The following MC2R variants were observed in gnomAD, a reference collection of about 807,000 sequenced individuals.
MC2R encodes the protein melanocortin 2 receptor, also known as adrenocorticotropic hormone receptor.
In MC2R, 9 loss-of-function variants were observed where a neutral mutation model predicts 9.8. The ratio of observed to expected loss-of-function variants is 0.92; its 90% CI spans 0.55 to 1.60. The LOEUF (loss-of-function observed/expected upper bound fraction) is 1.60, where lower values mean the gene tolerates loss of function less well. MC2R is among the 40% of genes most tolerant of loss of function. MC2R has a pLI of 0.00. For missense variants in MC2R, 370 were observed against 389.0 expected (o/e 0.95, Z 0.41); for synonymous variants, 185 against 154.7 (o/e 1.20, Z -1.45).
chr18:13,886,521 C>T (rs891001284), intron 1 of MC2R, among the ~76,000 whole-genome samples: 2 of 152,154 alleles, frequency 1.3e-5, no homozygotes, highest in Non-Finnish European at 2.9e-5. Flanking sequence ...TCGGTGGACT[C>T]GGGAGATGTT....
Position 13,899,018 on chromosome 18 carries a change from C to T in MC2R, c.-128-13372G>A, listed in dbSNP as rs149975091. Among the ~76,000 whole-genome samples, 1,478 of 152,264 alleles carry T rather than the reference C, an allele frequency of 9.7e-3. 14 individuals are homozygous for T. Among genetic ancestry groups the T allele is most frequent in the Non-Finnish European group, 0.016 (1,062 of 68,028 alleles). ...AGGAAAATATGACCTTGCCAAATAACTAAATAAGGCACCAATTCTGGAGAA... is the reference window on the plus strand; with the variant it reads ...AGGAAAATATGACCTTGCCAAATAATTAAATAAGGCACCAATTCTGGAGAA... On this transcript the variant is annotated intron_variant, in intron 1 of 1. Transcript: ENST00000327606.
chr18:13,892,734 A>G (rs1174203734), intron 1 of MC2R, among the ~76,000 whole-genome samples: 1 of 152,160 alleles, frequency 6.6e-6, no homozygotes, highest in Non-Finnish European at 1.5e-5. Flanking sequence ...ACAATAAAGA[A>G]AAAAAGAGAG....
intron 1 of MC2R, among the ~76,000 whole-genome samples, chr18:13,889,891 A>G (rs1223066205): frequency 3.3e-5 from 5 of 152,082 alleles, no homozygotes; most frequent in African/African-American, 1.2e-4. Flanking sequence ...ACCCCTGAGG[A>G]GTTGAGGCCC....
At chr18:13,904,801 T>A (rs2045403289) in intron 1 of MC2R, among the ~76,000 whole-genome samples, 1 of 152,000 alleles carries the variant, frequency 6.6e-6, no homozygotes, top group Admixed American at 6.6e-5. Context: ...GGGGAAAGGA[T>A]CTCCTATCCA....
rs969154261 is a variant in MC2R at position 13,884,378 on chromosome 18, T to C, written c.*247A>G. ...CTTAATTACTTTTGTACCTACCTAA[T>C]ACTTTGTATTCTATCCTTCTTTTAC... On this transcript the variant is annotated 3_prime_UTR_variant, in exon 2 of 2. Coordinates refer to ENST00000327606, the MANE Select transcript of MC2R (RefSeq NM_000529.2). 3.5e-6 allele frequency: 2 copies of C among 570,002 alleles called. No individual in the cohort carries two copies. Among genetic ancestry groups the C allele is most frequent in the South Asian group, 2.0e-5 (1 of 49,934 alleles). 35.3% of individuals were successfully genotyped at this position (570,002 alleles called of 1,614,324 possible). A position where few individuals can be genotyped will look rare whatever the true frequency, so the allele number is the denominator to read the frequency against.
intron 1 of MC2R, among the ~76,000 whole-genome samples, chr18:13,909,366 T>G (rs577285164): frequency 6.6e-6 from 1 of 152,336 alleles, no homozygotes; most frequent in South Asian, 2.1e-4. Flanking sequence ...GCTGAGTTCA[T>G]GCTTGCCGGG....
rs538443792 is a variant in MC2R at position 13,905,858 on chromosome 18, C to A, written c.-129+9630G>T. ...GGATCACGATGCCAAGAGATCGAGA[C>A]CATCCTGGCCAACATGGTGAAACCC... On this transcript the variant is annotated intron_variant, in intron 1 of 1. Transcript: ENST00000327606. Among the ~76,000 whole-genome samples, 42 of 152,252 alleles carry A rather than the reference C, an allele frequency of 2.8e-4. 1 individual carries two copies. In the South Asian group the frequency reaches 8.5e-3, roughly 31 times the overall value.
chr18:13,885,102 G>A lies in MC2R; in HGVS notation c.417C>T (p.His139=). ...YITIFHALRY[H]SIVTMRRTVV... is the part of the protein sequence containing the mutation. ...CAGTGCGGCGCATGGTCACGATGCT[G>A]TGGTACCGCAGTGCGTGGAAGATGG... The change falls in exon 2 of 2, where the codon CAC becomes CAT. Residue 139 remains histidine, a synonymous_variant. Coordinates refer to ENST00000327606, the MANE Select transcript of MC2R (RefSeq NM_000529.2). The A allele has an allele frequency of 6.2e-7, 1 of 1,614,186 alleles. No homozygotes were observed. Among genetic ancestry groups the A allele is most frequent in the Non-Finnish European group, 8.5e-7 (1 of 1,180,048 alleles).
chr18:13,904,402 C>T (rs978436443), intron 1 of MC2R, among the ~76,000 whole-genome samples: 52 of 137,640 alleles, frequency 3.8e-4, no homozygotes, highest in African/African-American at 1.5e-3. Context: ...AAAAAAAAGT[C>T]ATAATAAAGG....
chr18:13,897,534 G>A (rs887525307), intron 1 of MC2R, among the ~76,000 whole-genome samples: 1 of 152,094 alleles, frequency 6.6e-6, no homozygotes, highest in Admixed American at 6.5e-5. Flanking sequence ...TACCAGCTGG[G>A]GTGGCTAAGG....
chr18:13,898,897 A>G (rs922240496), intron 1 of MC2R, among the ~76,000 whole-genome samples: 1 of 152,192 alleles, frequency 6.6e-6, no homozygotes, highest in Non-Finnish European at 1.5e-5. Context: ...CTTCCCAAGG[A>G]CTGGTACAAA....
At chr18:13,911,303 G>C (rs561364950) in intron 1 of MC2R, among the ~76,000 whole-genome samples, 41 of 152,246 alleles carry the variant, frequency 2.7e-4, no homozygotes, top group Middle Eastern at 3.4e-3. Context: ...ACTCCATCAA[G>C]TCCTTGTTTT....
intron 1 of MC2R, among the ~76,000 whole-genome samples, chr18:13,902,364 A>G (rs2045385325): frequency 2.6e-5 from 4 of 152,184 alleles, no homozygotes; most frequent in Non-Finnish European, 5.9e-5. Context: ...TGGAACCACA[A>G]GAGACTCAGA....
At position 13,914,912 on chromosome 18, in the gene MC2R, C is replaced by G. The variant is rs1037345495; in HGVS notation, c.-129+576G>C. On this transcript the variant is annotated intron_variant, in intron 1 of 1. Transcript: ENST00000327606. ...TTTTAGTTATTGTTTATCCTGCACC[C>G]CGTGTTGCTGCCTAGGAAGGTGGAG... Among the ~76,000 whole-genome samples the G allele has an allele frequency of 6.6e-5, 10 of 152,278 alleles. No individual in the cohort carries two copies. In the South Asian group the frequency reaches 1.2e-3, roughly 19 times the overall value.
chr18:13,892,191 G>A (rs1054725288), intron 1 of MC2R, among the ~76,000 whole-genome samples: 3 of 152,218 alleles, frequency 2.0e-5, no homozygotes, highest in Non-Finnish European at 4.4e-5. Flanking sequence ...AGCCCCTGTG[G>A]CAGCTTTTAA....
chr18:13,884,959 AC>A lies in MC2R; in HGVS notation c.559del (p.Val187SerfsTer29), dbSNP rs2045265140. The A allele has an allele frequency of 1.2e-6, 2 of 1,613,942 alleles. No homozygotes were observed. Among genetic ancestry groups the A allele is most frequent in the Non-Finnish European group, 1.7e-6 (2 of 1,180,018 alleles). ...TFTSLFPLML[V>X]FILCLYVHMF... ...GTGCACATAGAGGCACAGGATGAAG[AC>A]CAGCATCAGCGGGAACAGCGACGTG... On this transcript the variant is annotated frameshift_variant, in exon 2 of 2. Transcript: ENST00000327606. LOFTEE classifies it high-confidence loss of function.
rs104894662 is a variant in MC2R at position 13,884,767 on chromosome 18, C to T, written c.752G>A (p.Cys251Tyr). The T allele has an allele frequency of 6.2e-7, 1 of 1,613,838 alleles. No homozygotes were observed. The highest frequency in any genetic ancestry group is 1.3e-5 in the African/African-American group (1 of 74,858). ...LMTFCPSNPY[C>Y]ACYMSLFQVN... The stretch of plus-strand genomic sequence containing the variant: ...CTGGAAGAGAGACATGTAGCAGGCG[C>T]AGTAGGGGTTACTTGGGCAGAATGT... The change falls in exon 2 of 2, where the codon TGC becomes TAC. Residue 251 changes from cysteine to tyrosine, a missense_variant. Coordinates refer to ENST00000327606, the MANE Select transcript of MC2R (RefSeq NM_000529.2).
In MC2R at chr18:13,884,901, C is replaced by A. The variant is rs1190362792; in HGVS notation, c.618G>T (p.Lys206Asn). The stretch of plus-strand genomic sequence containing the variant: ...TGTTGGCTCTGGGGAGGGTGGAGAT[C>A]TTCCTGGTGTGGGATCGAGCCAGCA... ...MFLLARSHTR[K>N]ISTLPRANMK... Residue 206 changes from lysine to asparagine, a missense_variant, in exon 2 of 2, where the codon AAG becomes AAT. Physicochemically the swap from Lys to Asn is moderately conservative, Grantham distance 94. Transcript: ENST00000327606. 2 of 1,613,964 alleles carry A rather than the reference C, an allele frequency of 1.2e-6. No individual in the cohort carries two copies. Among genetic ancestry groups the A allele is most frequent in the African/African-American group, 2.7e-5 (2 of 74,908 alleles).
At chr18:13,887,409 C>T (rs181088206) in intron 1 of MC2R, among the ~76,000 whole-genome samples, 12 of 128,444 alleles carry the variant, frequency 9.3e-5, no homozygotes, top group East Asian at 4.3e-4. Flanking sequence ...TGTGTCCCAC[C>T]TGCTGGGGAA....
Sources: allele counts gnomAD v4.1 joint callset (sites outside exome capture counted in the v4.1 genomes callset), GRCh38; gene constraint gnomAD v4.1.1; transcripts MANE v1.5; gene names NCBI Gene and HGNC (gene_info 2026-07-23, HGNC 2026-07-21).